Variants in PTPRA observed in about 807,000 individuals in gnomAD.
PTPRA encodes the protein protein tyrosine phosphatase receptor type A, also known as receptor-type tyrosine-protein phosphatase alpha.
In PTPRA, 25 loss-of-function variants were observed where a neutral mutation model predicts 104.8. That is an observed-to-expected ratio of 0.24 (90% CI 0.17 to 0.33). The LOEUF is 0.33. Ranked by LOEUF, PTPRA falls within the 10% of genes least tolerant of loss-of-function variation. The probability of loss-of-function intolerance (pLI) is 1.00; values close to 1 mark genes in which losing one functional copy is unlikely to be tolerated. For missense variants in PTPRA, 765 were observed against 1,015.3 expected, an observed-to-expected ratio of 0.75 and a Z score of 3.35; for synonymous variants, 323 against 368.9, an observed-to-expected ratio of 0.88 and a Z score of 1.43.
intron 5 of PTPRA, among the ~76,000 whole-genome samples, chr20:2,968,322 T>G (rs967471540): frequency 6.6e-6 from 1 of 152,124 alleles, no homozygotes; most frequent in Non-Finnish European, 1.5e-5. Flanking sequence ...CCTAATTGTT[T>G]GTATGCTTTC....
intron 1 of PTPRA, among the ~76,000 whole-genome samples, chr20:2,905,959 T>A (rs1568647139): frequency 6.6e-6 from 1 of 152,162 alleles, no homozygotes; most frequent in African/African-American, 2.4e-5. Context: ...GTGCTGGTAT[T>A]ACAGGTGTGA....
At chr20:2,980,549 C>T (rs1600207429) in intron 6 of PTPRA, among the ~76,000 whole-genome samples, 2 of 150,478 alleles carry the variant, frequency 1.3e-5, no homozygotes, top group South Asian at 2.1e-4. Flanking sequence ...GACTCCGTCT[C>T]GAGAAAAGAA....
intron 1 of PTPRA, among the ~76,000 whole-genome samples, chr20:2,879,413 G>T (rs1429655221): frequency 6.6e-6 from 1 of 152,170 alleles, no homozygotes; most frequent in Non-Finnish European, 1.5e-5. Flanking sequence ...ACTTGGTGTA[G>T]CAAGGCCTAA....
chr20:2,880,045 G>C (rs1218999476), intron 1 of PTPRA, among the ~76,000 whole-genome samples: 1 of 152,240 alleles, frequency 6.6e-6, no homozygotes, highest in Non-Finnish European at 1.5e-5. Context: ...TGAGACTAGA[G>C]AATGGCAAGG....
intron 10 of PTPRA, among the ~76,000 whole-genome samples, chr20:3,007,128 G>A (rs915425496): frequency 6.6e-6 from 1 of 152,022 alleles, no homozygotes; most frequent in Non-Finnish European, 1.5e-5. Context: ...CCACATTGTA[G>A]ATGCATCTTA....
chr20:2,887,868 C>T (rs1009527368), intron 1 of PTPRA, among the ~76,000 whole-genome samples: 2 of 152,188 alleles, frequency 1.3e-5, no homozygotes, highest in Non-Finnish European at 2.9e-5. Context: ...CTCCTGGTTC[C>T]CATGTCCCCA....
intron 9 of PTPRA, among the ~76,000 whole-genome samples, chr20:2,991,445 A>G (rs564020835): frequency 1.3e-5 from 2 of 152,174 alleles, no homozygotes; most frequent in East Asian, 1.9e-4. Flanking sequence ...TGTGCTAGGC[A>G]TTGTACTGTT....
chr20:2,878,453 A>G (rs1471416204), intron 1 of PTPRA, among the ~76,000 whole-genome samples: 1 of 151,948 alleles, frequency 6.6e-6, no homozygotes, highest in Non-Finnish European at 1.5e-5. Flanking sequence ...CAAGTGATCC[A>G]CCCGCCTTGG....
chr20:2,899,941 T>C (rs969063907), intron 1 of PTPRA, among the ~76,000 whole-genome samples: 11 of 152,108 alleles, frequency 7.2e-5, no homozygotes, highest in Admixed American at 3.9e-4. Context: ...ACCCCATCTC[T>C]ACTAAAAGTA....
chr20:2,962,827 G>A (rs1022577773), intron 3 of PTPRA, among the ~76,000 whole-genome samples: 5 of 152,130 alleles, frequency 3.3e-5, no homozygotes, highest in South Asian at 2.1e-4. Flanking sequence ...GGTACCAGGG[G>A]CAAACTCCTG....
intron 1 of PTPRA, among the ~76,000 whole-genome samples, chr20:2,921,645 T>G (rs1304939279): frequency 6.6e-6 from 1 of 152,084 alleles, no homozygotes; most frequent in Non-Finnish European, 1.5e-5. Flanking sequence ...GAATGTTAAT[T>G]TATGTGCCAG....
chr20:3,023,510 C>T (rs1008017092), intron 16 of PTPRA, among the ~76,000 whole-genome samples: 21 of 152,152 alleles, frequency 1.4e-4, no homozygotes, highest in African/African-American at 3.6e-4. Flanking sequence ...GATATGCTGG[C>T]GGCAATACTG....
At chr20:3,021,014 A>T (rs1306773419) in intron 13 of PTPRA, among the ~76,000 whole-genome samples, 1 of 152,222 alleles carries the variant, frequency 6.6e-6, no homozygotes, top group South Asian at 2.1e-4. Flanking sequence ...TTTTGTAGGT[A>T]AGATGGCTTC....
the PTPRA span, chr20:2,865,067 C>G: frequency 6.2e-7 from 1 of 1,614,142 alleles, no homozygotes; most frequent in Non-Finnish European, 8.5e-7. The surrounding 1 kb of genome is among the most constrained non-coding windows in gnomAD (Gnocchi z 5.2). Context: ...TTTGGCCCAC[C>G]TTTTTCCAAG....
rs553920627 is a variant in PTPRA, at chr20:3,021,363, C to A, written c.1096C>A (p.Arg366=). The part of the protein sequence containing the change: ...DQGCWTYGNI[R]VSVEDVTVLV... ...AGGCTGCTGGACCTATGGGAATATT[C>A]GGGTGTCTGTAGAGGATGTGACTGT... The change falls in exon 14 of 24, where the codon CGG becomes AGG. Residue 366 remains arginine, a synonymous_variant. Transcript: ENST00000399903. The A allele has an allele frequency of 2.5e-6, 4 of 1,614,028 alleles. No individual in the cohort carries two copies. In the South Asian group the frequency reaches 4.4e-5, roughly 18 times the overall value.
intron 9 of PTPRA, among the ~76,000 whole-genome samples, chr20:2,991,103 C>T (rs2063153480): frequency 6.6e-6 from 1 of 152,128 alleles, no homozygotes; most frequent in Non-Finnish European, 1.5e-5. Context: ...CCTGTAATCC[C>T]AGCACTTTGG....
chr20:2,898,700 A>G lies in PTPRA; in HGVS notation c.-128-24507A>G, dbSNP rs532587069. Among the ~76,000 whole-genome samples the G allele has an allele frequency of 3.1e-3, 464 of 152,048 alleles. 1 individual carries two copies. Among genetic ancestry groups the G allele is most frequent in the African/African-American group, 0.01 (430 of 41,520 alleles). ...TAGTGAAACCTTGTCTCTACTAAAA[A>G]TATAAAAATTAGCCGGGCATAGTGG... is the stretch of plus-strand genomic sequence containing the variant. On this transcript the variant is annotated intron_variant, in intron 1 of 23. Transcript: ENST00000399903.
chr20:3,014,885 A>G (rs2064357832), intron 11 of PTPRA, among the ~76,000 whole-genome samples: 1 of 152,210 alleles, frequency 6.6e-6, no homozygotes, highest in African/African-American at 2.4e-5. Flanking sequence ...CATTTAAACA[A>G]TGACGTTGAA....
intron 1 of PTPRA, among the ~76,000 whole-genome samples, chr20:2,915,003 A>T (rs1358401381): frequency 2.0e-5 from 3 of 151,568 alleles, no homozygotes; most frequent in African/African-American, 7.3e-5. Flanking sequence ...CATATTTTGC[A>T]TTTTGACTTC....
Sources: gnomAD v4.1 joint callset for allele counts (sites outside exome capture counted in the v4.1 genomes callset) on GRCh38, gnomAD v4.1.1 for gene constraint, Gnocchi (gnomAD v3.1) non-coding constraint, MANE v1.5 for transcripts, NCBI Gene and HGNC (gene_info 2026-07-23, HGNC 2026-07-21) for gene names.